CNTN5: variants seen among roughly 807,000 people sequenced by gnomAD.
The protein encoded by CNTN5 is contactin-5.
CNTN5 carries 77 observed loss-of-function variants against 129.1 expected under a neutral mutation model. The observed-to-expected ratio is 0.60, with a 90% CI of 0.50 to 0.72. The LOEUF is 0.72. CNTN5 is among the 30% of genes least tolerant of loss of function. The pLI, the probability that CNTN5 is intolerant of heterozygous loss-of-function variation, is 0.00. For missense variants in CNTN5, 1,478 were observed against 1,328.8 expected, an observed-to-expected ratio of 1.11 and a Z score of -1.75; for synonymous variants, 509 against 465.6, an observed-to-expected ratio of 1.09 and a Z score of -1.20.
intron 1 of CNTN5, among the ~76,000 whole-genome samples, chr11:99,035,318 G>A (rs1205736562): frequency 2.6e-5 from 4 of 151,154 alleles, no homozygotes; most frequent in Admixed American, 6.6e-5. Context: ...CAATTCCTGG[G>A]TATCCTTGTT....
intron 6 of CNTN5, among the ~76,000 whole-genome samples, chr11:99,906,035 G>T (rs568927809): frequency 6.6e-6 from 1 of 152,208 alleles, no homozygotes; most frequent in Non-Finnish European, 1.5e-5. Flanking sequence ...GAGATTTTGG[G>T]CTGAGACGAT....
chr11:99,472,240 G>T (rs925120824), intron 2 of CNTN5, among the ~76,000 whole-genome samples: 2 of 152,094 alleles, frequency 1.3e-5, no homozygotes, highest in African/African-American at 4.8e-5. Context: ...TAAAATTATG[G>T]CTGGCTCATC....
rs185295534 is a variant in CNTN5, at chr11:100,332,151, A to G, written c.2731-8312A>G. 3.8e-3 allele frequency among the ~76,000 whole-genome samples: 572 copies of G among 152,250 alleles called. 2 individuals are homozygous for G. The highest frequency in any genetic ancestry group is 8.9e-3 in the South Asian group (43 of 4,832). ...AGTTCAATTAGAAACAAAACAGGAGATATTACAACTGATACCACAGAAATA... is the reference window on the plus strand; with the variant it reads ...AGTTCAATTAGAAACAAAACAGGAGGTATTACAACTGATACCACAGAAATA... On this transcript the variant is annotated intron_variant, in intron 21 of 24. Transcript: ENST00000524871.
intron 8 of CNTN5, among the ~76,000 whole-genome samples, chr11:99,994,569 C>T (rs544537311): frequency 3.9e-4 from 59 of 152,208 alleles, no homozygotes; most frequent in African/African-American, 1.3e-3. Flanking sequence ...CTCACAGGGA[C>T]TCATGCATAT....
At chr11:100,126,734 A>G (rs1464766248) in intron 13 of CNTN5, among the ~76,000 whole-genome samples, 2 of 152,002 alleles carry the variant, frequency 1.3e-5, no homozygotes, top group African/African-American at 4.8e-5. Flanking sequence ...TTTGTATACA[A>G]CTTGCCATTG....
In CNTN5 at chr11:100,340,549, A is replaced by C; in HGVS notation, c.2817A>C (p.Gly939=). The change falls in exon 22 of 25, where the codon GGA becomes GGC. Residue 939 remains glycine, a synonymous_variant. Transcript: ENST00000524871. ...RGNESFVILT[G]LEGNTLYHFT... Reference sequence around the variant, plus strand: ...ATGAGTCTTTCGTCATCCTAACAGGATTAGAAGGAAATACGTTATATCACT... The same window carrying C: ...ATGAGTCTTTCGTCATCCTAACAGGCTTAGAAGGAAATACGTTATATCACT... The C allele has an allele frequency of 6.2e-7, 1 of 1,613,256 alleles. No individual in the cohort carries two copies. Among genetic ancestry groups the C allele is most frequent in the Non-Finnish European group, 8.5e-7 (1 of 1,179,458 alleles).
intron 3 of CNTN5, among the ~76,000 whole-genome samples, chr11:99,794,410 T>A (rs964183174): frequency 1.3e-5 from 2 of 152,200 alleles, no homozygotes; most frequent in African/African-American, 4.8e-5. Flanking sequence ...TGGGGCATTT[T>A]GCCTGTTTAC....
At chr11:99,234,867 A>G (rs183815283) in intron 1 of CNTN5, among the ~76,000 whole-genome samples, 1 of 152,140 alleles carries the variant, frequency 6.6e-6, no homozygotes, top group East Asian at 1.9e-4. Context: ...ATCACCAATA[A>G]AAACAGTTGT....
chr11:99,956,618 T>C (rs1950808854), intron 7 of CNTN5, among the ~76,000 whole-genome samples, 188 bp from the exon 8 acceptor site: 1 of 152,224 alleles, frequency 6.6e-6, no homozygotes, highest in African/African-American at 2.4e-5. Context: ...GTAAGAAATA[T>C]TTCAGATCTC....
rs903891237 is a variant in CNTN5 at position 99,169,901 on chromosome 11, C to A, written c.-210+148631C>A. On this transcript the variant is annotated intron_variant, in intron 1 of 24. Transcript: ENST00000524871. ...TCATACAGATAACTGAGTAAACATC[C>A]TGTAAATATTTCAGTTAAATAATTA... 2.0e-5 allele frequency among the ~76,000 whole-genome samples: 3 copies of A among 151,946 alleles called. No individual in the cohort carries two copies. The East Asian group carries it at 5.8e-4, about 29-fold the overall frequency.
At chr11:99,476,675 C>T (rs1045589131) in intron 2 of CNTN5, among the ~76,000 whole-genome samples, 1 of 152,130 alleles carries the variant, frequency 6.6e-6, no homozygotes, top group Non-Finnish European at 1.5e-5. Flanking sequence ...CCAAGTTTCC[C>T]AGTTTATTTT....
intron 8 of CNTN5, among the ~76,000 whole-genome samples, chr11:99,969,858 C>T (rs1951201265): frequency 6.6e-6 from 1 of 152,092 alleles, no homozygotes; most frequent in African/African-American, 2.4e-5. Flanking sequence ...GGAGGCTTAT[C>T]TTCTTAAATG....
intron 8 of CNTN5, among the ~76,000 whole-genome samples, chr11:99,998,019 C>T (rs865881490): frequency 6.6e-6 from 1 of 152,060 alleles, no homozygotes; most frequent in Non-Finnish European, 1.5e-5. Flanking sequence ...ATGATAAGAG[C>T]TATCTATGAC....
intron 2 of CNTN5, among the ~76,000 whole-genome samples, chr11:99,341,810 C>G (rs10750261): frequency 0.9 from 137,138 of 152,218 alleles, 62,302 homozygotes; most frequent in East Asian, 1. Context: ...GTGATAGAAA[C>G]CTTCATGAAC....
chr11:100,022,603 T>C (rs1236322567), intron 9 of CNTN5, among the ~76,000 whole-genome samples: 1 of 152,220 alleles, frequency 6.6e-6, no homozygotes, highest in Non-Finnish European at 1.5e-5. Context: ...TATTTGTCCA[T>C]GTAGTTACCA....
At chr11:100,112,307 G>T (rs1472569907) in intron 13 of CNTN5, among the ~76,000 whole-genome samples, 1 of 152,070 alleles carries the variant, frequency 6.6e-6, no homozygotes, top group East Asian at 1.9e-4. Context: ...GGAATAAGGG[G>T]CAAAAAGTTC....
chr11:99,634,644 ACTC>A (rs1481711276), intron 3 of CNTN5, among the ~76,000 whole-genome samples: 2 of 152,076 alleles, frequency 1.3e-5, no homozygotes, highest in African/African-American at 4.8e-5. Context: ...TCTATACACT[ACTC>A]CTCAGATAAG....
intron 16 of CNTN5, among the ~76,000 whole-genome samples, chr11:100,251,336 T>C (rs965586066): frequency 2.6e-5 from 4 of 152,172 alleles, no homozygotes; most frequent in African/African-American, 9.6e-5. Flanking sequence ...AGGATGTACA[T>C]AGTGATGCTT....
chr11:99,459,667 G>A (rs907533000), intron 2 of CNTN5, among the ~76,000 whole-genome samples: 7 of 152,002 alleles, frequency 4.6e-5, no homozygotes, highest in Non-Finnish European at 7.4e-5. Flanking sequence ...GCTGGTCACT[G>A]CCTTTGCACA....
Sources: allele counts gnomAD v4.1 joint callset (sites outside exome capture counted in the v4.1 genomes callset), GRCh38; gene constraint gnomAD v4.1.1; transcripts MANE v1.5; gene names NCBI Gene and HGNC (gene_info 2026-07-23, HGNC 2026-07-21).